Variants in FANCL observed in about 807,000 individuals in gnomAD.
The protein encoded by FANCL is E3 ubiquitin-protein ligase FANCL.
Under a neutral mutation model 59.4 loss-of-function variants are expected in FANCL, and 69 were observed. That is an observed-to-expected ratio of 1.16 (90% CI 0.96 to 1.42). The LOEUF (loss-of-function observed/expected upper bound fraction) is 1.42. Among genes scored for constraint, FANCL ranks in the 40% most tolerant of loss-of-function variants. FANCL has a pLI of 0.00. For missense variants in FANCL, 519 were observed against 447.2 expected (o/e 1.16, Z -1.45); for synonymous variants, 180 against 147.1 (o/e 1.22, Z -1.62).
At chr2:58,225,925 C>G (rs1201468633) in intron 4 of FANCL, among the ~76,000 whole-genome samples, 1 of 151,852 alleles carries the variant, frequency 6.6e-6, no homozygotes, top group East Asian at 1.9e-4. Context: ...AATGTGAGGA[C>G]CTTGTTTGCA....
At chr2:58,180,522 A>T (rs1687827918) in intron 7 of FANCL, among the ~76,000 whole-genome samples, 1 of 152,078 alleles carries the variant, frequency 6.6e-6, no homozygotes, top group African/African-American at 2.4e-5. Context: ...ACACATGGAC[A>T]CAGGGAGGGA....
chr2:58,232,189 G>A, intron 1 of FANCL, 77 bp from the exon 2 acceptor site: 1 of 1,181,222 alleles, frequency 8.5e-7, no homozygotes, highest in Non-Finnish European at 1.3e-6. Context: ...GAATCACAAA[G>A]AAAAGACAAT....
chr2:58,240,227 A>C (rs1211768002), intron 1 of FANCL, among the ~76,000 whole-genome samples: 2 of 152,198 alleles, frequency 1.3e-5, no homozygotes, highest in African/African-American at 2.4e-5. Flanking sequence ...GGAGAGGGAA[A>C]GGTGGATTAA....
intron 12 of FANCL, 127 bp downstream of exon 12, chr2:58,161,395 A>C (rs904076662): frequency 1.5e-5 from 11 of 733,596 alleles, no homozygotes; most frequent in Non-Finnish European, 2.5e-5. Context: ...AACTGGTAAA[A>C]GGAGTTAATG....
chr2:58,224,554 G>A (rs1692795591), intron 4 of FANCL, among the ~76,000 whole-genome samples: 1 of 151,630 alleles, frequency 6.6e-6, no homozygotes, highest in Non-Finnish European at 1.5e-5. Context: ...CATTAAAAAA[G>A]GACTCCAGAA....
chr2:58,189,509 G>C (rs1291433485), intron 7 of FANCL, among the ~76,000 whole-genome samples: 1 of 152,022 alleles, frequency 6.6e-6, no homozygotes, highest in African/African-American at 2.4e-5. Context: ...ATACATAAAT[G>C]TATATATATT....
chr2:58,221,074 G>A (rs1002190880), intron 5 of FANCL, among the ~76,000 whole-genome samples: 2 of 151,888 alleles, frequency 1.3e-5, no homozygotes, highest in Non-Finnish European at 2.9e-5. Context: ...TTAGCCGGTC[G>A]TGGTGGCAGG....
rs746046267 is a variant in FANCL at position 58,232,080 on chromosome 2, A to C, written c.129T>G (p.Pro43=). The change falls in exon 2 of 14, where the codon CCT becomes CCG. Residue 43 remains proline (P), a synonymous_variant. Transcript: ENST00000233741. ...GRDFHLRIVL[P]EDLQLKNARL... ...TTGCATTCTTCAGTTGTAAATCTTC[A>C]GGCAACACTATCCTAAGGTGGAAGT... 1.9e-6 allele frequency: 3 copies of C among 1,613,288 alleles called. No homozygotes were observed. The highest frequency in any genetic ancestry group is 2.5e-6 in the Non-Finnish European group (3 of 1,179,542).
chr2:58,200,976 T>C (rs557127679), intron 6 of FANCL, among the ~76,000 whole-genome samples: 1 of 151,324 alleles, frequency 6.6e-6, no homozygotes, highest in Non-Finnish European at 1.5e-5. Flanking sequence ...ATTTTGTTTA[T>C]ATAACAAACC....
intron 5 of FANCL, among the ~76,000 whole-genome samples, chr2:58,211,273 C>T (rs1274753636): frequency 6.6e-6 from 1 of 152,222 alleles, no homozygotes; most frequent in Non-Finnish European, 1.5e-5. Flanking sequence ...TGGAAGCTGC[C>T]AAGGCTTGGG....
Position 58,159,811 on chromosome 2 carries a change from A to T in FANCL, c.1093-11T>A, listed in dbSNP as rs774130469. 12 of 1,612,328 alleles carry T rather than the reference A, an allele frequency of 7.4e-6. No individual in the cohort carries two copies. In the Admixed American group the frequency reaches 1.8e-4, roughly 25 times the overall value. ...TTTTAAGGTAATTGGCTTTAAAAAG[A>T]GAACATATTTTAACAAAGTTTGTGG... On this transcript the variant is annotated splice_polypyrimidine_tract_variant and intron_variant, in intron 13 of 13. Coordinates refer to ENST00000233741, the MANE Select transcript of FANCL (RefSeq NM_018062.4).
At position 58,159,643 on chromosome 2, in the gene FANCL, A is replaced by G. The variant is rs1275459390; in HGVS notation, c.*122T>C. On this transcript the variant is annotated 3_prime_UTR_variant, in exon 14 of 14. Transcript: ENST00000233741. Reference sequence around the variant, plus strand: ...CGCAGATGTTTATTATTATCGCATCATCATACCTGTCCTTTTGATGTTAGT... The same window carrying G: ...CGCAGATGTTTATTATTATCGCATCGTCATACCTGTCCTTTTGATGTTAGT... The G allele has an allele frequency of 6.2e-7, 1 of 1,613,758 alleles. No homozygotes were observed. Among genetic ancestry groups the G allele is most frequent in the Admixed American group, 1.7e-5 (1 of 59,982 alleles).
intron 5 of FANCL, among the ~76,000 whole-genome samples, chr2:58,213,123 TAG>T (rs1260593664): frequency 6.6e-6 from 1 of 152,218 alleles, no homozygotes; most frequent in Non-Finnish European, 1.5e-5. Context: ...GATTATTATT[TAG>T]AGTGTAAGGA....
chr2:58,241,096 C>G (rs1694497354), intron 1 of FANCL, 122 bp downstream of exon 1: 2 of 1,022,562 alleles, frequency 2.0e-6, no homozygotes, highest in Middle Eastern at 2.3e-4. Context: ...AGAGCCGTTA[C>G]GCGCCGCCCC....
At chr2:58,199,139 A>T (rs1268321388) in intron 6 of FANCL, among the ~76,000 whole-genome samples, 1 of 152,134 alleles carries the variant, frequency 6.6e-6, no homozygotes, top group South Asian at 2.1e-4. Flanking sequence ...TGATGTGAAG[A>T]GCTTATTTAT....
chr2:58,236,945 G>A (rs1324906687), intron 1 of FANCL, among the ~76,000 whole-genome samples: 1 of 152,036 alleles, frequency 6.6e-6, no homozygotes, highest in Admixed American at 6.5e-5. Flanking sequence ...CCTAATAACA[G>A]AACTTCAAAA....
intron 7 of FANCL, among the ~76,000 whole-genome samples, chr2:58,188,810 G>C (rs1021038078): frequency 6.6e-6 from 1 of 151,338 alleles, no homozygotes; most frequent in African/African-American, 2.4e-5. Flanking sequence ...GATTGCGAAT[G>C]CATTGAATCT....
chr2:58,232,244 T>C (rs1377811931), intron 1 of FANCL, 132 bp from the exon 2 acceptor site: 1 of 746,676 alleles, frequency 1.3e-6, no homozygotes, highest in East Asian at 2.7e-5. Context: ...TCCACATCTT[T>C]ATACTTGTTA....
Position 58,159,634 on chromosome 2 carries a change from T to C in FANCL, c.*131A>G. ...AGAGACAAACGCAGATGTTTATTATTATCGCATCATCATACCTGTCCTTTT... is the reference window on the plus strand; with the variant it reads ...AGAGACAAACGCAGATGTTTATTATCATCGCATCATCATACCTGTCCTTTT... On this transcript the variant is annotated 3_prime_UTR_variant, in exon 14 of 14. Coordinates refer to ENST00000233741, the MANE Select transcript of FANCL (RefSeq NM_018062.4). The C allele has an allele frequency of 3.1e-6, 5 of 1,613,822 alleles. No individual in the cohort carries two copies. The highest frequency in any genetic ancestry group is 4.2e-6 in the Non-Finnish European group (5 of 1,179,792).
Sources: gnomAD v4.1 joint callset for allele counts (sites outside exome capture counted in the v4.1 genomes callset) on GRCh38, gnomAD v4.1.1 for gene constraint, MANE v1.5 for transcripts, NCBI Gene and HGNC (gene_info 2026-07-23, HGNC 2026-07-21) for gene names.